AP4S1: variants seen among roughly 807,000 people sequenced by gnomAD.
AP4S1 encodes AP-4 complex subunit sigma-1.
In AP4S1, 23 loss-of-function variants were observed where a neutral mutation model predicts 19.8. The observed-to-expected ratio is 1.16, with a 90% CI of 0.84 to 1.65. The LOEUF is 1.65. Among genes scored for constraint, AP4S1 ranks in the 40% most tolerant of loss-of-function variants. The pLI is 0.00. For missense variants in AP4S1, 166 were observed against 172.8 expected, an observed-to-expected ratio of 0.96 and a Z score of 0.22; for synonymous variants, 46 against 54.1, an observed-to-expected ratio of 0.85 and a Z score of 0.66.
At chr14:31,040,970 G>C (rs1203685150) in intron 1 of AP4S1, among the ~76,000 whole-genome samples, 3 of 151,226 alleles carry the variant, frequency 2.0e-5, no homozygotes, top group Non-Finnish European at 4.4e-5. Flanking sequence ...AGCTACTCGG[G>C]AGGCTGAGGC....
At chr14:31,061,035 G>A (rs879945617) in intron 1 of AP4S1, among the ~76,000 whole-genome samples, 3 of 152,064 alleles carry the variant, frequency 2.0e-5, no homozygotes, top group South Asian at 4.1e-4. Flanking sequence ...GACTACAGGT[G>A]CATGCCACCA....
intron 3 of AP4S1, 57 bp from the exon 4 acceptor site, chr14:31,072,848 C>A: frequency 7.0e-7 from 1 of 1,424,048 alleles, no homozygotes; most frequent in Non-Finnish European, 9.9e-7. Flanking sequence ...AGTTCTATGT[C>A]TGGTTTACAT....
intron 5 of AP4S1, among the ~76,000 whole-genome samples, chr14:31,082,154 C>T (rs1047577320): frequency 6.6e-6 from 1 of 152,112 alleles, no homozygotes; most frequent in Non-Finnish European, 1.5e-5. Flanking sequence ...TTGGAAGCCT[C>T]TGTAAAGTAA....
chr14:31,047,806 C>T (rs1011388211), intron 1 of AP4S1, among the ~76,000 whole-genome samples: 2 of 152,082 alleles, frequency 1.3e-5, no homozygotes, highest in Non-Finnish European at 2.9e-5. Context: ...AATGACAAGC[C>T]TCCCGAGTAG....
In AP4S1 at chr14:31,058,812, G is replaced by A. The variant is rs534971731; in HGVS notation, c.-71-7314G>A. Among the ~76,000 whole-genome samples, 30 of 150,782 alleles carry A rather than the reference G, an allele frequency of 2.0e-4. 1 individual carries two copies. The highest frequency in any genetic ancestry group is 6.6e-4 in the African/African-American group (27 of 40,982). On this transcript the variant is annotated intron_variant, in intron 1 of 5. Coordinates refer to ENST00000542754, the MANE Select transcript of AP4S1 (RefSeq NM_001128126.3). Reference sequence around the variant, plus strand: ...GCTGGTCCCCAACTTCTGGGCTCAAGCTATCCTCCCACCATGGCCTCTCAA... The same window carrying A: ...GCTGGTCCCCAACTTCTGGGCTCAAACTATCCTCCCACCATGGCCTCTCAA...
At chr14:31,051,477 C>T (rs889083335) in intron 1 of AP4S1, among the ~76,000 whole-genome samples, 2 of 152,052 alleles carry the variant, frequency 1.3e-5, no homozygotes, top group African/African-American at 4.8e-5. Context: ...TCGAGACCAG[C>T]CTGACCAACA....
At chr14:31,031,601 A>G (rs1429767069) in intron 1 of AP4S1, among the ~76,000 whole-genome samples, 2 of 152,190 alleles carry the variant, frequency 1.3e-5, no homozygotes, top group Non-Finnish European at 2.9e-5. Context: ...TTGGAAAAAT[A>G]TTTTGTAAAC....
chr14:31,045,410 T>C (rs1885339513), intron 1 of AP4S1, among the ~76,000 whole-genome samples: 2 of 152,160 alleles, frequency 1.3e-5, no homozygotes, highest in African/African-American at 4.8e-5. Flanking sequence ...TCCTCCATGC[T>C]ATTCTTGTGA....
At position 31,044,906 on chromosome 14, in the gene AP4S1, AT is replaced by A. The variant is rs111624797; in HGVS notation, c.-72+19133del. On this transcript the variant is annotated intron_variant, in intron 1 of 5. Coordinates refer to ENST00000542754, the MANE Select transcript of AP4S1 (RefSeq NM_001128126.3). Reference sequence around the variant, plus strand: ...TATTTTAAAAGATACGTTTTCTATAATTTTTTTTTTTTTTGAGATAGAGTCT... The same window carrying A: ...TATTTTAAAAGATACGTTTTCTATAATTTTTTTTTTTTTGAGATAGAGTCT... 6.7e-3 allele frequency among the ~76,000 whole-genome samples: 960 copies of A among 144,172 alleles called. 5 individuals carry two copies. Among genetic ancestry groups the A allele is most frequent in the African/African-American group, 0.018 (705 of 39,636 alleles). 94.6% of individuals were successfully genotyped at this position (144,172 alleles called of 152,430 possible).
chr14:31,034,609 ATTTTTTTTTTTT>A (rs5807612), intron 1 of AP4S1, among the ~76,000 whole-genome samples: 1 of 103,956 alleles, frequency 9.6e-6, no homozygotes, highest in African/African-American at 3.9e-5. Flanking sequence ...TTTGTACTTA[ATTTTTTTTTTTT>A]TTTTTTTTTT....
intron 1 of AP4S1, among the ~76,000 whole-genome samples, chr14:31,057,658 C>T (rs567801024): frequency 2.6e-5 from 4 of 152,010 alleles, no homozygotes; most frequent in Non-Finnish European, 5.9e-5. Flanking sequence ...CGAAGTCTTG[C>T]TCTGTCACCC....
At position 31,035,060 on chromosome 14, in the gene AP4S1, C is replaced by T. The variant is rs542376541; in HGVS notation, c.-72+9273C>T. 1.6e-4 allele frequency among the ~76,000 whole-genome samples: 24 copies of T among 152,142 alleles called. No homozygotes were observed. The East Asian group carries it at 3.3e-3, about 21-fold the overall frequency. ...TTTTTCTGTGTGAAGAAATGTTTAA[C>T]GTAAATACCAGACATTATATTATTT... is the stretch of plus-strand genomic sequence containing the variant. On this transcript the variant is annotated intron_variant, in intron 1 of 5. Transcript: ENST00000542754.
chr14:31,074,990 G>T (rs530371722), intron 4 of AP4S1, among the ~76,000 whole-genome samples: 2 of 152,114 alleles, frequency 1.3e-5, no homozygotes, highest in African/African-American at 4.8e-5. Context: ...GGATAATTAG[G>T]ATCTCTATCA....
rs1402032444 is a variant in AP4S1, at chr14:31,096,164, C to G, written c.*3129C>G. On this transcript the variant is annotated 3_prime_UTR_variant, in exon 6 of 6. Coordinates refer to ENST00000542754, the MANE Select transcript of AP4S1 (RefSeq NM_001128126.3). ...AGGTAGGCATGAAATGAATCCTTCT[C>G]TTCCTCCCCTTTACTCCTTTAACCC... 1 of 151,420 alleles carries G rather than the reference C, an allele frequency of 6.6e-6. No individual in the cohort carries two copies. Among genetic ancestry groups the G allele is most frequent in the Non-Finnish European group, 1.5e-5 (1 of 67,856 alleles). 9.4% of individuals were successfully genotyped at this position (151,420 alleles called of 1,614,324 possible).
chr14:31,044,963 G>A (rs1367945865), intron 1 of AP4S1, among the ~76,000 whole-genome samples: 1 of 150,936 alleles, frequency 6.6e-6, no homozygotes, highest in Non-Finnish European at 1.5e-5. Context: ...GTGCAGTGGT[G>A]CAATCTCAGC....
chr14:31,084,622 C>A, intron 5 of AP4S1: 2 of 1,325,854 alleles, frequency 1.5e-6, no homozygotes, highest in Non-Finnish European at 2.1e-6. Context: ...CACTCCTGTG[C>A]ACTCTTCAGT....
At chr14:31,057,011 T>G (rs1886158211) in intron 1 of AP4S1, among the ~76,000 whole-genome samples, 1 of 152,106 alleles carries the variant, frequency 6.6e-6, no homozygotes, top group Non-Finnish European at 1.5e-5. Flanking sequence ...GAGGTCAAAG[T>G]TGCAGTGAGC....
At chr14:31,073,464 TG>T (rs1197176698) in intron 4 of AP4S1, among the ~76,000 whole-genome samples, 1 of 146,110 alleles carries the variant, frequency 6.8e-6, no homozygotes, top group East Asian at 2.0e-4. Context: ...CACTCCAGCC[TG>T]GGCAACAGAG....
At chr14:31,034,687 G>A (rs2064823) in intron 1 of AP4S1, among the ~76,000 whole-genome samples, 15,818 of 145,442 alleles carry the variant, frequency 0.11, 980 homozygotes, top group South Asian at 0.24. Flanking sequence ...GTGTGGTCTC[G>A]GCTCACTGCA....
Sources: gnomAD v4.1 joint callset for allele counts (sites outside exome capture counted in the v4.1 genomes callset) on GRCh38, gnomAD v4.1.1 for gene constraint, MANE v1.5 for transcripts, NCBI Gene and HGNC (gene_info 2026-07-23, HGNC 2026-07-21) for gene names.